Variants in CAGE1 observed in about 807,000 individuals in gnomAD.
The protein encoded by CAGE1 is cancer-associated gene 1 protein.
In CAGE1, 66 loss-of-function variants were observed where a neutral mutation model predicts 94.9. The observed-to-expected ratio is 0.70, with a 90% CI of 0.57 to 0.85. The LOEUF (loss-of-function observed/expected upper bound fraction) is 0.85. Ranked by LOEUF, CAGE1 falls within the 40% of genes least tolerant of loss-of-function variation. The pLI is 0.00. For synonymous variants in CAGE1, 319 were observed against 321.0 expected, an observed-to-expected ratio of 0.99 and a Z score of 0.07; for missense variants, 865 against 950.4, an observed-to-expected ratio of 0.91 and a Z score of 1.18.
chr6:7,385,687 A>T lies in CAGE1; in HGVS notation c.283+98T>A, dbSNP rs187217197. 8.3e-4 allele frequency: 500 copies of T among 605,002 alleles called. 5 individuals are homozygous for T. The African/African-American group carries it at 8.5e-3, about 10-fold the overall frequency. 37.5% of individuals were successfully genotyped at this position (605,002 alleles called of 1,614,324 possible). A position where few individuals can be genotyped will look rare whatever the true frequency, so the allele number is the denominator to read the frequency against. ...TTTTGTGGATTAAGTGTGATGATGT[A>T]TATAAAGTGCTTAGCACAAAACCTG... On this transcript the variant is annotated intron_variant, in intron 3 of 13. Transcript: ENST00000502583.
chr6:7,385,714 C>G (rs1761097775), intron 3 of CAGE1, 71 bp downstream of exon 3: 1 of 801,426 alleles, frequency 1.2e-6, no homozygotes, highest in Non-Finnish European at 1.9e-6. Flanking sequence ...CAAAACCTGG[C>G]TATTGTTACT....
At chr6:7,368,019 GA>G (rs1760409529) in intron 7 of CAGE1, among the ~76,000 whole-genome samples, 1 of 152,150 alleles carries the variant, frequency 6.6e-6, no homozygotes, top group Non-Finnish European at 1.5e-5. Context: ...TGGATCACCT[GA>G]GGTCAGGAGT....
At chr6:7,359,848 G>A (rs1046226833) in intron 9 of CAGE1, among the ~76,000 whole-genome samples, 2 of 152,182 alleles carry the variant, frequency 1.3e-5, no homozygotes, top group Non-Finnish European at 2.9e-5. Flanking sequence ...TTCACTTTCT[G>A]TCGCTGCTGC....
intron 9 of CAGE1, among the ~76,000 whole-genome samples, chr6:7,360,840 GGGAGGCTGAGGCA>G (rs1760140044): frequency 6.6e-6 from 1 of 152,088 alleles, no homozygotes; most frequent in South Asian, 2.1e-4. Context: ...TCAGCTACTT[GGGAGGCTGAGGCA>G]GGAGAATCAC....
At chr6:7,389,093 G>A (rs1761241708) in intron 1 of CAGE1, 109 bp downstream of exon 1, 1 of 342,016 alleles carries the variant, frequency 2.9e-6, no homozygotes, top group Non-Finnish European at 5.9e-6. Context: ...ATGTTCCAGA[G>A]ACATTCTAAA....
intron 11 of CAGE1, among the ~76,000 whole-genome samples, chr6:7,345,810 A>G (rs1759491406): frequency 6.6e-6 from 1 of 152,122 alleles, no homozygotes; most frequent in Non-Finnish European, 1.5e-5. Context: ...CCATAGTCCC[A>G]GCTACTTGGG....
At position 7,387,159 on chromosome 6, in the gene CAGE1, A is replaced by C; in HGVS notation, c.15T>G (p.Tyr5Ter). MNKD[Y>*]QKFWSSPSDP... Reference sequence around the variant, plus strand: ...CTGAAGGTGATGACCAAAATTTTTGATAGTCCTTGTTCATAACTGTTGAAC... The same window carrying C: ...CTGAAGGTGATGACCAAAATTTTTGCTAGTCCTTGTTCATAACTGTTGAAC... Residue 5 changes from tyrosine to a stop codon, truncating the protein, a stop_gained, in exon 2 of 14, where the codon TAT becomes TAG. Transcript: ENST00000502583. LOFTEE classifies it high-confidence loss of function. 1 of 1,550,922 alleles carries C rather than the reference A, an allele frequency of 6.4e-7. No individual in the cohort carries two copies. Among genetic ancestry groups the C allele is most frequent in the Non-Finnish European group, 8.7e-7 (1 of 1,146,404 alleles).
rs928535515 is a variant in CAGE1, at chr6:7,379,113, A to G, written c.284-93T>C. 3 of 737,918 alleles carry G rather than the reference A, an allele frequency of 4.1e-6. No individual in the cohort carries two copies. The African/African-American group carries it at 5.4e-5, about 13-fold the overall frequency. The allele number at this position is 737,918 out of a possible 1,614,324, so 45.7% of individuals were successfully genotyped here. ...TTATATTTATCAAATAAACTGCTGT[A>G]GCCACTTAAAAATTATATATTATTT... On this transcript the variant is annotated intron_variant, in intron 3 of 13. Coordinates refer to ENST00000502583, the MANE Select transcript of CAGE1 (RefSeq NM_001170692.2).
At chr6:7,344,532 C>CG (rs1233639857) in intron 11 of CAGE1, among the ~76,000 whole-genome samples, 1 of 152,238 alleles carries the variant, frequency 6.6e-6, no homozygotes, top group Admixed American at 6.5e-5. Context: ...GGCCCAGCCT[C>CG]CTGGATGAGC....
intron 11 of CAGE1, among the ~76,000 whole-genome samples, chr6:7,353,897 A>G (rs962170042): frequency 2.0e-5 from 3 of 152,094 alleles, no homozygotes; most frequent in Non-Finnish European, 4.4e-5. Context: ...AGCTATGAGG[A>G]CACAAAGGCG....
intron 1 of CAGE1, 43 bp from the exon 2 acceptor site, chr6:7,387,239 G>GT: frequency 8.8e-7 from 1 of 1,133,252 alleles, no homozygotes; most frequent in Non-Finnish European, 1.3e-6. Context: ...TAAACAAAAA[G>GT]TTTTTTCCCT....
In CAGE1 at chr6:7,369,935, C is replaced by A. The variant is rs755023634; in HGVS notation, c.1877G>T (p.Gly626Val). Residue 626 changes from glycine to valine, a missense_variant, in exon 6 of 14, where the codon GGA (glycine) becomes GTA (valine). Gly to Val is a moderately radical substitution (Grantham distance 109). Transcript: ENST00000502583. ...KMHSLLALMV[G>V]LLTCQDIINS... ...TTTTATTACCTGGCATGTGAGAAGT[C>A]CCACCATCAGAGCCAGAAGACTGTG... is the stretch of plus-strand genomic sequence containing the variant. 3 of 1,611,934 alleles carry A rather than the reference C, an allele frequency of 1.9e-6. No homozygotes were observed. Among genetic ancestry groups the A allele is most frequent in the Admixed American group, 3.4e-5 (2 of 59,486 alleles).
chr6:7,345,303 T>G (rs567553099), intron 11 of CAGE1, among the ~76,000 whole-genome samples: 3 of 152,262 alleles, frequency 2.0e-5, no homozygotes, highest in African/African-American at 7.2e-5. Context: ...GGTTTGCAGT[T>G]TTATTTCTGA....
At chr6:7,358,713 T>C (rs1760067170) in intron 9 of CAGE1, among the ~76,000 whole-genome samples, 1 of 152,158 alleles carries the variant, frequency 6.6e-6, no homozygotes, top group Non-Finnish European at 1.5e-5. Flanking sequence ...GGGCTGGTGA[T>C]GTGCACCTGT....
At chr6:7,333,966 C>T in intron 12 of CAGE1, 56 bp downstream of exon 12, 2 of 1,161,826 alleles carry the variant, frequency 1.7e-6, no homozygotes, top group South Asian at 2.7e-5. Context: ...CCGCACTTGG[C>T]CATATTACCT....
At chr6:7,335,599 A>C (rs115488431) in intron 11 of CAGE1, among the ~76,000 whole-genome samples, 4,948 of 152,328 alleles carry the variant, frequency 0.032, 128 homozygotes, top group Non-Finnish European at 0.051. Context: ...TACTATTCAG[A>C]GACAGAGTCT....
chr6:7,334,128 G>T (rs1182936576), intron 11 of CAGE1, 38 bp from the exon 12 acceptor site: 1 of 1,225,174 alleles, frequency 8.2e-7, no homozygotes, highest in East Asian at 2.6e-5. Flanking sequence ...GACTAAAATG[G>T]ACTTTTCTAG....
chr6:7,346,420 A>C (rs1759540015), intron 11 of CAGE1, among the ~76,000 whole-genome samples: 2 of 151,872 alleles, frequency 1.3e-5, no homozygotes, highest in South Asian at 4.2e-4. Context: ...ATGGTGGTGC[A>C]TGCCTGTAGT....
chr6:7,373,562 A>G lies in CAGE1; in HGVS notation c.1257T>C (p.Cys419=). 1 of 1,613,520 alleles carries G rather than the reference A, an allele frequency of 6.2e-7. No individual in the cohort carries two copies. Residue 419 remains cysteine, a synonymous_variant, in exon 5 of 14, where the codon TGT becomes TGC. Transcript: ENST00000502583. ...TTTCAGTCATGTACCTTTCCTGTAA[A>G]CACACATAATTAGCCTTGATCTTCT... is the stretch of plus-strand genomic sequence containing the variant. The part of the protein sequence containing the change: ...QFKKIKANYV[C]LQERYMTEMQ...
Sources: gnomAD v4.1 joint callset for allele counts (sites outside exome capture counted in the v4.1 genomes callset) on GRCh38, gnomAD v4.1.1 for gene constraint, MANE v1.5 for transcripts, NCBI Gene and HGNC (gene_info 2026-07-23, HGNC 2026-07-21) for gene names.